The following PLCL1 variants were observed in gnomAD, a reference collection of about 807,000 sequenced individuals.
PLCL1 encodes the protein phospholipase C like 1 (inactive).
A neutral mutation model predicts 84.4 loss-of-function variants in PLCL1; 41 were observed. The ratio of observed to expected loss-of-function variants is 0.49; its 90% confidence interval spans 0.38 to 0.63. The LOEUF is 0.63. PLCL1 is among the 30% of genes least tolerant of loss of function. The pLI, the probability that PLCL1 is intolerant of heterozygous loss-of-function variation, is 0.00. For synonymous variants in PLCL1, 490 were observed against 488.3 expected (o/e 1.00, Z -0.05); for missense variants, 1,206 against 1,367.8 (o/e 0.88, Z 1.87).
intron 1 of PLCL1, among the ~76,000 whole-genome samples, chr2:197,996,294 A>G (rs1430050602): frequency 6.6e-6 from 1 of 152,178 alleles, no homozygotes; most frequent in Non-Finnish European, 1.5e-5. Flanking sequence ...AGGGCTAAGG[A>G]AAAATCTGAG....
chr2:198,008,582 CA>C (rs1690788708), intron 1 of PLCL1, among the ~76,000 whole-genome samples: 1 of 151,280 alleles, frequency 6.6e-6, no homozygotes, highest in East Asian at 1.9e-4. Flanking sequence ...TATATATTTA[CA>C]TTTTCCTTAC....
intron 1 of PLCL1, among the ~76,000 whole-genome samples, chr2:197,928,547 A>G (rs1214643402): frequency 6.6e-6 from 1 of 152,192 alleles, no homozygotes; most frequent in Non-Finnish European, 1.5e-5. Flanking sequence ...GATTTATGAA[A>G]TGGATTATTA....
At chr2:197,817,760 A>G (rs1690720088) in intron 1 of PLCL1, among the ~76,000 whole-genome samples, 1 of 152,164 alleles carries the variant, frequency 6.6e-6, no homozygotes, top group Non-Finnish European at 1.5e-5. Flanking sequence ...GAGAGGGATC[A>G]AGATGTGCTA....
intron 1 of PLCL1, among the ~76,000 whole-genome samples, chr2:197,970,530 AG>A (rs1689841576): frequency 6.6e-6 from 1 of 152,254 alleles, no homozygotes; most frequent in Non-Finnish European, 1.5e-5. Flanking sequence ...TATGACAAAA[AG>A]TATGTGAACT....
At chr2:197,982,002 A>G (rs1486767147) in intron 1 of PLCL1, among the ~76,000 whole-genome samples, 2 of 151,994 alleles carry the variant, frequency 1.3e-5, no homozygotes, top group Admixed American at 6.5e-5. Flanking sequence ...AAACTGTAAT[A>G]TAGTTTTAAT....
chr2:197,979,922 T>G, intron 1 of PLCL1, among the ~76,000 whole-genome samples: 1 of 152,166 alleles, frequency 6.6e-6, no homozygotes, highest in Non-Finnish European at 1.5e-5. Flanking sequence ...ATTCACATAT[T>G]GAAATCCAGG....
chr2:198,007,333 A>AC (rs1273986928), intron 1 of PLCL1, among the ~76,000 whole-genome samples: 1 of 150,160 alleles, frequency 6.7e-6, no homozygotes, highest in East Asian at 2.0e-4. Flanking sequence ...TAACCACCCC[A>AC]CCCCCCTCTT....
chr2:197,965,057 T>C (rs1409933040), intron 1 of PLCL1, among the ~76,000 whole-genome samples: 1 of 152,176 alleles, frequency 6.6e-6, no homozygotes, highest in African/African-American at 2.4e-5. Context: ...TGCATCAGGG[T>C]AATACTGGAC....
At chr2:197,824,128 T>C (rs1426523091) in intron 1 of PLCL1, among the ~76,000 whole-genome samples, 1 of 152,190 alleles carries the variant, frequency 6.6e-6, no homozygotes, top group African/African-American at 2.4e-5. Context: ...TAATGAACAA[T>C]ATATAATGGT....
chr2:198,005,628 G>C (rs780796080), intron 1 of PLCL1, among the ~76,000 whole-genome samples: 1 of 152,152 alleles, frequency 6.6e-6, no homozygotes, highest in South Asian at 2.1e-4. Context: ...CAGTGTTGAC[G>C]GGCAGACTGC....
chr2:197,976,691 C>T (rs1178708727), intron 1 of PLCL1, among the ~76,000 whole-genome samples: 1 of 152,204 alleles, frequency 6.6e-6, no homozygotes, highest in Non-Finnish European at 1.5e-5. Flanking sequence ...TCGTGATCCA[C>T]CCACCTTGGC....
At chr2:198,086,258 T>G (rs1692879383) in intron 2 of PLCL1, 26 bp downstream of exon 2, 1 of 1,420,264 alleles carries the variant, frequency 7.0e-7, no homozygotes, top group East Asian at 2.3e-5. Flanking sequence ...ACACTCTCCT[T>G]CCCTATCCCT....
At position 198,000,461 on chromosome 2, in the gene PLCL1, C is replaced by T. The variant is rs114544862; in HGVS notation, c.241-83297C>T. On this transcript the variant is annotated intron_variant, in intron 1 of 5. Coordinates refer to ENST00000428675, the MANE Select transcript of PLCL1 (RefSeq NM_006226.4). ...ACTCAATTTAACACTGGTAATATCC[C>T]TTCTTTCCCAGGGAAATTTAGTGAG... Among the ~76,000 whole-genome samples the T allele has an allele frequency of 3.3e-3, 498 of 152,244 alleles. 3 individuals are homozygous for T. Among genetic ancestry groups the T allele is most frequent in the African/African-American group, 0.011 (471 of 41,540 alleles).
chr2:198,122,243 G>C (rs907272304), intron 5 of PLCL1, among the ~76,000 whole-genome samples: 22 of 151,882 alleles, frequency 1.4e-4, no homozygotes, highest in Non-Finnish European at 2.8e-4. Flanking sequence ...ATTGCCTTTG[G>C]TTGCTCATAA....
At chr2:197,975,368 T>A (rs893232081) in intron 1 of PLCL1, among the ~76,000 whole-genome samples, 2 of 152,148 alleles carry the variant, frequency 1.3e-5, no homozygotes, top group African/African-American at 4.8e-5. Context: ...TCTGCTTGCT[T>A]CTGAAAGCAT....
chr2:197,853,955 T>C (rs1574913793), intron 1 of PLCL1, among the ~76,000 whole-genome samples: 1 of 152,140 alleles, frequency 6.6e-6, no homozygotes, highest in South Asian at 2.1e-4. Flanking sequence ...GGGGGCTTCA[T>C]CTGGACCAGT....
chr2:197,976,594 G>A (rs1689986890), intron 1 of PLCL1, among the ~76,000 whole-genome samples: 1 of 152,220 alleles, frequency 6.6e-6, no homozygotes, highest in South Asian at 2.1e-4. Flanking sequence ...GATTACAGGT[G>A]TGCACCACCA....
At chr2:197,963,453 G>A (rs552350816) in intron 1 of PLCL1, among the ~76,000 whole-genome samples, 16 of 151,936 alleles carry the variant, frequency 1.1e-4, no homozygotes, top group Non-Finnish European at 2.1e-4. Context: ...TTCCTATAGA[G>A]TTGTTTGAGC....
chr2:198,149,594 A>G lies in PLCL1; in HGVS notation c.*2632A>G, dbSNP rs1260459897. The G allele has an allele frequency of 6.6e-6, 1 of 152,274 alleles. No individual in the cohort carries two copies. Among genetic ancestry groups the G allele is most frequent in the Non-Finnish European group, 1.5e-5 (1 of 68,020 alleles). 9.4% of individuals were successfully genotyped at this position (152,274 alleles called of 1,614,324 possible). ...TATAACCACAGATACAAAGAACTGT[A>G]TCATTTATTTTCTGAATATAAAATA... On this transcript the variant is annotated 3_prime_UTR_variant, in exon 6 of 6. Transcript: ENST00000428675.
Sources: gnomAD v4.1 joint callset for allele counts (sites outside exome capture counted in the v4.1 genomes callset) on GRCh38, gnomAD v4.1.1 for gene constraint, MANE v1.5 for transcripts, NCBI Gene and HGNC (gene_info 2026-07-23, HGNC 2026-07-21) for gene names.